Variants in FRMD4B observed in about 807,000 individuals in gnomAD.
The protein encoded by FRMD4B is FERM domain-containing protein 4B.
FRMD4B carries 74 observed loss-of-function variants against 141.5 expected under a neutral mutation model. That is an observed-to-expected ratio of 0.52 (90% confidence interval 0.43 to 0.63). The LOEUF is 0.63. Among genes scored for constraint, FRMD4B ranks in the 30% least tolerant of loss-of-function variants. FRMD4B has a pLI of 0.00. For synonymous variants in FRMD4B, 506 were observed against 467.9 expected (o/e 1.08, Z -1.05); for missense variants, 1,366 against 1,253.4 (o/e 1.09, Z -1.36).
At chr3:69,303,232 C>T (rs116320856) in intron 3 of FRMD4B, among the ~76,000 whole-genome samples, 1,360 of 76,050 alleles carry the variant, frequency 0.018, 15 homozygotes, top group African/African-American at 0.04. Context: ...GCAGGATGAT[C>T]GCTCGAGCCC....
intron 1 of FRMD4B, chr3:69,376,896 A>C (rs1255112961): frequency 6.6e-6 from 1 of 152,156 alleles, no homozygotes; most frequent in Non-Finnish European, 1.5e-5. Context: ...TTCAGAATAA[A>C]CATAAGTAGG....
At chr3:69,277,887 G>A (rs1378614873) in intron 5 of FRMD4B, among the ~76,000 whole-genome samples, 7 of 146,472 alleles carry the variant, frequency 4.8e-5, no homozygotes, top group East Asian at 2.0e-4. Context: ...ACAGAGTCTC[G>A]CTCTGTCTCC....
intron 1 of FRMD4B, among the ~76,000 whole-genome samples, chr3:69,518,917 G>T (rs1700808811): frequency 6.6e-6 from 1 of 152,148 alleles, no homozygotes; most frequent in Non-Finnish European, 1.5e-5. Flanking sequence ...TGGGGGCAGT[G>T]GTTCTCAAAT....
chr3:69,443,074 C>T (rs1417231906), intron 1 of FRMD4B, among the ~76,000 whole-genome samples: 1 of 152,136 alleles, frequency 6.6e-6, no homozygotes, highest in Non-Finnish European at 1.5e-5. Context: ...TCCAGCCCCA[C>T]ACAGCTTCAG....
At chr3:69,482,931 C>A (rs1335102252) in intron 1 of FRMD4B, among the ~76,000 whole-genome samples, 1 of 152,182 alleles carries the variant, frequency 6.6e-6, no homozygotes, top group Non-Finnish European at 1.5e-5. Context: ...CCCTGTTGTA[C>A]AGAAAGAGCA....
intron 5 of FRMD4B, among the ~76,000 whole-genome samples, chr3:69,279,154 G>T (rs1280509235): frequency 1.3e-5 from 2 of 152,100 alleles, no homozygotes; most frequent in Non-Finnish European, 2.9e-5. Flanking sequence ...TTAGGCCACA[G>T]GAAGGTATAT....
intron 11 of FRMD4B, among the ~76,000 whole-genome samples, chr3:69,201,443 A>T (rs1312869711): frequency 6.6e-6 from 1 of 152,156 alleles, no homozygotes; most frequent in South Asian, 2.1e-4. Context: ...TAAAGTAATA[A>T]AAGTTTATAT....
intron 1 of FRMD4B, among the ~76,000 whole-genome samples, chr3:69,435,747 T>C (rs772449933): frequency 9.9e-5 from 15 of 152,186 alleles, no homozygotes; most frequent in Admixed American, 4.6e-4. Flanking sequence ...AGATATATAG[T>C]AAAATTGCAT....
intron 1 of FRMD4B, among the ~76,000 whole-genome samples, chr3:69,463,857 T>C: frequency 6.6e-6 from 1 of 152,212 alleles, no homozygotes; most frequent in Non-Finnish European, 1.5e-5. Context: ...AATGACTGCC[T>C]CATCTCCTGA....
At chr3:69,311,989 G>A (rs911829121) in intron 2 of FRMD4B, among the ~76,000 whole-genome samples, 3 of 152,134 alleles carry the variant, frequency 2.0e-5, no homozygotes, top group African/African-American at 7.2e-5. Context: ...TGTTAGTAAG[G>A]GCAGGGATTT....
At chr3:69,519,561 A>G (rs1446599856) in intron 1 of FRMD4B, among the ~76,000 whole-genome samples, 1 of 151,826 alleles carries the variant, frequency 6.6e-6, no homozygotes. Flanking sequence ...GCTATCTTCT[A>G]TTTTCTCTAC....
At chr3:69,249,899 G>A in intron 6 of FRMD4B, 144 bp downstream of exon 6, 1 of 662,960 alleles carries the variant, frequency 1.5e-6, no homozygotes, top group South Asian at 1.7e-5. Context: ...AGAAGACGGT[G>A]GCGCACATTT....
At chr3:69,178,009 T>C (rs149786245) in intron 21 of FRMD4B, among the ~76,000 whole-genome samples, 2 of 152,324 alleles carry the variant, frequency 1.3e-5, no homozygotes, top group Non-Finnish European at 2.9e-5. Flanking sequence ...GGAACTGAAC[T>C]GGAACAAGAC....
intron 2 of FRMD4B, among the ~76,000 whole-genome samples, chr3:69,311,929 A>T (rs1297502627): frequency 1.3e-5 from 2 of 152,180 alleles, no homozygotes; most frequent in Non-Finnish European, 2.9e-5. Context: ...CATTTTATAA[A>T]TGAGTCAACC....
intron 1 of FRMD4B, chr3:69,334,224 G>A (rs1280305572): frequency 6.6e-6 from 1 of 152,176 alleles, no homozygotes; most frequent in Admixed American, 6.6e-5. Flanking sequence ...TTGAGCCCCA[G>A]TTTCTTCATT....
intron 1 of FRMD4B, among the ~76,000 whole-genome samples, chr3:69,332,535 G>A (rs1002536993): frequency 3.9e-5 from 6 of 152,028 alleles, no homozygotes; most frequent in Non-Finnish European, 5.9e-5. Flanking sequence ...TGGTCACAAA[G>A]GTAAATGAGA....
At chr3:69,216,057 G>A (rs1376707483) in intron 11 of FRMD4B, among the ~76,000 whole-genome samples, 1 of 152,152 alleles carries the variant, frequency 6.6e-6, no homozygotes, top group Admixed American at 6.5e-5. Context: ...GGGAGGCTGA[G>A]GCAGGAGACT....
At chr3:69,369,562 G>C (rs4241387) in intron 1 of FRMD4B, among the ~76,000 whole-genome samples, 26,368 of 151,944 alleles carry the variant, frequency 0.17, 2,525 homozygotes, top group African/African-American at 0.24. Flanking sequence ...TTGAAACTCA[G>C]AGTTGGTTTC....
chr3:69,434,159 T>A (rs1705224717), intron 1 of FRMD4B, among the ~76,000 whole-genome samples: 1 of 152,184 alleles, frequency 6.6e-6, no homozygotes, highest in African/African-American at 2.4e-5. Context: ...ACTAGTTAAA[T>A]CCCTTGCTTC....
Sources: gnomAD v4.1 joint callset for allele counts (sites outside exome capture counted in the v4.1 genomes callset) on GRCh38, gnomAD v4.1.1 for gene constraint, MANE v1.5 for transcripts, NCBI Gene and HGNC (gene_info 2026-07-23, HGNC 2026-07-21) for gene names.